The following PPP2R5A variants were observed in gnomAD, a reference collection of about 807,000 sequenced individuals.
PPP2R5A encodes serine/threonine-protein phosphatase 2A 56 kDa regulatory subunit alpha isoform.
PPP2R5A carries 25 observed loss-of-function variants against 64.2 expected under a neutral mutation model. The observed-to-expected ratio is 0.39, with a 90% CI of 0.28 to 0.54. PPP2R5A has a LOEUF of 0.54. Among genes scored for constraint, PPP2R5A ranks in the 20% least tolerant of loss-of-function variants. The pLI is 0.67. For synonymous variants in PPP2R5A, 198 were observed against 201.2 expected (o/e 0.98, Z 0.13); for missense variants, 425 against 576.3 (o/e 0.74, Z 2.69).
chr1:212,287,295 A>G (rs1394480757), intron 1 of PPP2R5A, among the ~76,000 whole-genome samples: 1 of 152,220 alleles, frequency 6.6e-6, no homozygotes, highest in Non-Finnish European at 1.5e-5. Context: ...ATGCTCCTAC[A>G]TATTTAGATA....
chr1:212,286,548 C>T (rs571440417), intron 1 of PPP2R5A, among the ~76,000 whole-genome samples: 1 of 152,304 alleles, frequency 6.6e-6, no homozygotes, highest in South Asian at 2.1e-4. Context: ...CACCCTTCCC[C>T]ACCTGCGCGC....
rs1659801712 is a variant in PPP2R5A at position 212,347,420 on chromosome 1, TTTTG to T, written c.764+17_764+20del. ...AATATTAGGAAGGTAGGTCAGGTTT[TTTTG>T]TTCTTTTTAAGAATTAAGTAAGTGA... On this transcript the variant is annotated intron_variant, in intron 6 of 12. Transcript: ENST00000261461. The T allele has an allele frequency of 6.4e-7, 1 of 1,563,850 alleles. No homozygotes were observed. Among genetic ancestry groups the T allele is most frequent in the African/African-American group, 1.4e-5 (1 of 73,238 alleles).
At chr1:212,309,165 G>A (rs1658977568) in intron 1 of PPP2R5A, 2 of 1,290,272 alleles carry the variant, frequency 1.6e-6, no homozygotes, top group Non-Finnish European at 2.2e-6. Flanking sequence ...CCACATTGGT[G>A]TCATAGAGCT....
chr1:212,323,293 A>G (rs754640148), intron 1 of PPP2R5A, among the ~76,000 whole-genome samples: 9 of 152,218 alleles, frequency 5.9e-5, no homozygotes, highest in Non-Finnish European at 1.2e-4. Flanking sequence ...AAGACAGGAA[A>G]TCATCTCTCA....
chr1:212,321,712 C>T (rs957776729), intron 1 of PPP2R5A, among the ~76,000 whole-genome samples: 5 of 148,582 alleles, frequency 3.4e-5, no homozygotes, highest in Non-Finnish European at 7.4e-5. Flanking sequence ...GACTGGGCAG[C>T]CAGGCAGAGA....
At chr1:212,356,697 G>A (rs377125670) in intron 9 of PPP2R5A, 21 bp downstream of exon 9, 15 of 1,607,600 alleles carry the variant, frequency 9.3e-6, no homozygotes, top group African/African-American at 1.3e-5. Context: ...TTCACTAAAT[G>A]TAGTGCATTT....
rs1408270850 is a variant in PPP2R5A, at chr1:212,356,687, T to A, written c.978+11T>A. The A allele has an allele frequency of 6.2e-7, 1 of 1,612,308 alleles. No homozygotes were observed. Among genetic ancestry groups the A allele is most frequent in the African/African-American group, 1.3e-5 (1 of 74,868 alleles). On this transcript the variant is annotated intron_variant, in intron 9 of 12. Coordinates refer to ENST00000261461, the MANE Select transcript of PPP2R5A (RefSeq NM_006243.4). Reference sequence around the variant, plus strand: ...TGCAGTCAGAAAGAGGTGGGTTTTGTTCACTAAATGTAGTGCATTTTACTA... The same window carrying A: ...TGCAGTCAGAAAGAGGTGGGTTTTGATCACTAAATGTAGTGCATTTTACTA...
chr1:212,318,443 A>G (rs954501905), intron 1 of PPP2R5A, among the ~76,000 whole-genome samples: 13 of 152,208 alleles, frequency 8.5e-5, no homozygotes, highest in Non-Finnish European at 1.9e-4. Context: ...GAATGCTTTT[A>G]GTAAATCCTT....
Position 212,358,699 on chromosome 1 carries a change from C to T in PPP2R5A, c.1240C>T (p.Leu414=). The T allele has an allele frequency of 1.9e-6, 3 of 1,612,234 alleles. No homozygotes were observed. The highest frequency in any genetic ancestry group is 2.5e-6 in the Non-Finnish European group (3 of 1,178,798). Residue 414 remains leucine, a synonymous_variant, in exon 12 of 13, where the codon CTG becomes TTG. Coordinates refer to ENST00000261461, the MANE Select transcript of PPP2R5A (RefSeq NM_006243.4). ...TTTTCATTTCAGGACCATTGTAGCA[C>T]TGGTATACAATGTGCTGAAAACCCT... ...KEHWNPTIVA[L]VYNVLKTLME...
intron 4 of PPP2R5A, among the ~76,000 whole-genome samples, chr1:212,343,833 T>C (rs1411909010): frequency 1.3e-5 from 2 of 152,226 alleles, no homozygotes; most frequent in Admixed American, 1.3e-4. Context: ...TAGTGCTTTG[T>C]TAGTCTAGAG....
chr1:212,321,944 G>T (rs1571592309), intron 1 of PPP2R5A, among the ~76,000 whole-genome samples: 1 of 151,974 alleles, frequency 6.6e-6, no homozygotes, highest in African/African-American at 2.4e-5. Context: ...CCGGCACCTC[G>T]GGAGGCCCAG....
chr1:212,320,300 T>C (rs1659246302), intron 1 of PPP2R5A, among the ~76,000 whole-genome samples: 1 of 152,218 alleles, frequency 6.6e-6, no homozygotes, highest in South Asian at 2.1e-4. Context: ...GGCAGAAGAA[T>C]GTTTCTTAGT....
At chr1:212,328,254 C>T (rs1050706594) in intron 1 of PPP2R5A, among the ~76,000 whole-genome samples, 1 of 152,088 alleles carries the variant, frequency 6.6e-6, no homozygotes, top group African/African-American at 2.4e-5. Flanking sequence ...AGCTTCAGTA[C>T]CATAAGGAAA....
intron 1 of PPP2R5A, among the ~76,000 whole-genome samples, chr1:212,288,552 C>G (rs1029774116): frequency 1.3e-5 from 2 of 151,996 alleles, no homozygotes; most frequent in Non-Finnish European, 2.9e-5. Context: ...AAATAAGACC[C>G]TTACTTGGAT....
chr1:212,331,739 T>TA (rs1329417189), intron 2 of PPP2R5A: 2 of 152,234 alleles, frequency 1.3e-5, no homozygotes, highest in African/African-American at 4.8e-5. Context: ...AAGTCTCAAA[T>TA]ATTTGAGTCA....
At chr1:212,291,539 T>C (rs1658602022) in intron 1 of PPP2R5A, among the ~76,000 whole-genome samples, 1 of 152,230 alleles carries the variant, frequency 6.6e-6, no homozygotes. Context: ...GGATTGAGAA[T>C]CACCGGGTTA....
At chr1:212,329,382 G>A in intron 2 of PPP2R5A, 51 bp downstream of exon 2, 8 of 1,352,896 alleles carry the variant, frequency 5.9e-6, no homozygotes, top group Non-Finnish European at 6.9e-6. Context: ...TAAGATCTGA[G>A]GTATAATAAT....
chr1:212,291,268 T>G (rs549528125), intron 1 of PPP2R5A, among the ~76,000 whole-genome samples: 8 of 152,114 alleles, frequency 5.3e-5, no homozygotes, highest in African/African-American at 1.2e-4. Flanking sequence ...TTAGGAGAGA[T>G]AGGGGTTTTG....
chr1:212,339,055 T>C (rs1047212658), intron 3 of PPP2R5A, among the ~76,000 whole-genome samples: 1 of 152,110 alleles, frequency 6.6e-6, no homozygotes, highest in African/African-American at 2.4e-5. Flanking sequence ...AAATAGAGAG[T>C]GACACTGGGA....
Sources: allele counts gnomAD v4.1 joint callset (sites outside exome capture counted in the v4.1 genomes callset), GRCh38; gene constraint gnomAD v4.1.1; transcripts MANE v1.5; gene names NCBI Gene and HGNC (gene_info 2026-07-23, HGNC 2026-07-21).